The following NOS1AP variants were observed in gnomAD, a reference collection of about 807,000 sequenced individuals.
NOS1AP encodes carboxyl-terminal PDZ ligand of neuronal nitric oxide synthase protein.
In NOS1AP, 21 loss-of-function variants were observed where a neutral mutation model predicts 56.2. That is an observed-to-expected ratio of 0.37 (90% confidence interval 0.26 to 0.54). The LOEUF (loss-of-function observed/expected upper bound fraction) is 0.54. NOS1AP is among the 20% of genes least tolerant of loss of function. The pLI, the probability that NOS1AP is intolerant of heterozygous loss-of-function variation, is 0.84. For synonymous variants in NOS1AP, 270 were observed against 274.6 expected (o/e 0.98, Z 0.17); for missense variants, 522 against 657.8 (o/e 0.79, Z 2.26).
chr1:162,117,090 G>A (rs191468569), intron 1 of NOS1AP, among the ~76,000 whole-genome samples: 1 of 152,304 alleles, frequency 6.6e-6, no homozygotes, highest in Admixed American at 6.5e-5. Flanking sequence ...TAAGAATGGA[G>A]TTAAAAGTGC....
intron 4 of NOS1AP, among the ~76,000 whole-genome samples, chr1:162,323,204 G>T (rs1656475340): frequency 6.6e-6 from 1 of 152,196 alleles, no homozygotes. Flanking sequence ...AATGCCGTGG[G>T]AAGGCAGCGG....
intron 2 of NOS1AP, among the ~76,000 whole-genome samples, chr1:162,172,570 G>A (rs187772414): frequency 2.0e-5 from 3 of 152,286 alleles, no homozygotes; most frequent in East Asian, 1.9e-4. Flanking sequence ...ATCTTGATGA[G>A]GCGGGTGGTT....
chr1:162,156,097 A>G (rs1231264136), intron 2 of NOS1AP, among the ~76,000 whole-genome samples: 1 of 152,190 alleles, frequency 6.6e-6, no homozygotes, highest in Admixed American at 6.5e-5. Flanking sequence ...GCCTAATAAA[A>G]TCTTTTCATT....
At chr1:162,315,469 G>A (rs1037407258) in intron 4 of NOS1AP, among the ~76,000 whole-genome samples, 11 of 152,296 alleles carry the variant, frequency 7.2e-5, no homozygotes, top group South Asian at 2.1e-4. Flanking sequence ...GGATGGTGGC[G>A]TCACACCTCT....
At chr1:162,202,279 G>A (rs1652019832) in intron 2 of NOS1AP, among the ~76,000 whole-genome samples, 1 of 152,136 alleles carries the variant, frequency 6.6e-6, no homozygotes, top group Non-Finnish European at 1.5e-5. Flanking sequence ...GAAGAATAGA[G>A]AATAATTTTT....
intron 8 of NOS1AP, chr1:162,363,162 C>T (rs1657957747): frequency 6.6e-6 from 1 of 152,384 alleles, no homozygotes; most frequent in Non-Finnish European, 1.5e-5. Flanking sequence ...ACACCAATCA[C>T]AAGTAATAGT....
At chr1:162,227,933 A>G (rs1463280064) in intron 2 of NOS1AP, among the ~76,000 whole-genome samples, 3 of 152,224 alleles carry the variant, frequency 2.0e-5, no homozygotes, top group Non-Finnish European at 4.4e-5. Context: ...AAAAGTGTGT[A>G]TATTTAGAGT....
intron 1 of NOS1AP, among the ~76,000 whole-genome samples, chr1:162,139,832 CT>C (rs955031658): frequency 2.9e-4 from 43 of 147,674 alleles, no homozygotes; most frequent in East Asian, 1.4e-3. Context: ...TGCCGTCTTA[CT>C]TTTTTTTTTT....
At position 162,254,348 on chromosome 1, in the gene NOS1AP, G is replaced by A. The variant is rs576075453; in HGVS notation, c.178-32996G>A. Among the ~76,000 whole-genome samples, 12 of 152,288 alleles carry A rather than the reference G, an allele frequency of 7.9e-5. No homozygotes were observed. In the South Asian group the frequency reaches 2.5e-3, roughly 32 times the overall value. On this transcript the variant is annotated intron_variant, in intron 2 of 9. Coordinates refer to ENST00000361897, the MANE Select transcript of NOS1AP (RefSeq NM_014697.3). ...AGGAGCAGTTTAGGAGGATGCTGTT[G>A]GATGGGACTGACATGAACCATTGTG...
intron 2 of NOS1AP, among the ~76,000 whole-genome samples, chr1:162,190,440 A>G (rs1367353852): frequency 6.6e-6 from 1 of 152,174 alleles, no homozygotes; most frequent in Admixed American, 6.5e-5. Context: ...ATATGTATAC[A>G]TGTTCTGAAC....
chr1:162,275,828 A>G (rs1358129996), intron 2 of NOS1AP, among the ~76,000 whole-genome samples: 1 of 152,022 alleles, frequency 6.6e-6, no homozygotes, highest in African/African-American at 2.4e-5. Flanking sequence ...TCCTTCCTGC[A>G]CTCTGGATGT....
In NOS1AP at chr1:162,184,915, C is replaced by A. The variant is rs184190815; in HGVS notation, c.177+30439C>A. Among the ~76,000 whole-genome samples the A allele has an allele frequency of 3.8e-3, 576 of 152,338 alleles. 9 individuals carry two copies. Among genetic ancestry groups the A allele is most frequent in the Non-Finnish European group, 4.7e-3 (320 of 68,042 alleles). On this transcript the variant is annotated intron_variant, in intron 2 of 9. Transcript: ENST00000361897. ...ATTACCACAAACTTAGTGACTTAAA[C>A]AGCACATTTATCTTATAGTTGTGTA...
chr1:162,095,861 A>T (rs1692229531), intron 1 of NOS1AP, among the ~76,000 whole-genome samples: 2 of 152,316 alleles, frequency 1.3e-5, no homozygotes, highest in Middle Eastern at 3.4e-3. Context: ...AGATTAAATA[A>T]CGTGAATAAA....
At chr1:162,079,704 ATTATTG>A (rs1280068853) in intron 1 of NOS1AP, among the ~76,000 whole-genome samples, 2 of 152,192 alleles carry the variant, frequency 1.3e-5, no homozygotes, top group Admixed American at 1.3e-4. Context: ...TGCTGTTTTT[ATTATTG>A]TTATTAAGTC....
intron 1 of NOS1AP, among the ~76,000 whole-genome samples, chr1:162,137,228 C>G (rs996330867): frequency 6.6e-6 from 1 of 152,226 alleles, no homozygotes; most frequent in Non-Finnish European, 1.5e-5. Context: ...CATTTTCTTT[C>G]CATCTATCTC....
chr1:162,251,999 G>A (rs1459018165), intron 2 of NOS1AP, among the ~76,000 whole-genome samples: 1 of 150,426 alleles, frequency 6.6e-6, no homozygotes, highest in East Asian at 2.0e-4. Flanking sequence ...CTGGCCCAAG[G>A]CAGTATATTT....
chr1:162,314,771 C>T (rs531845325), intron 4 of NOS1AP, among the ~76,000 whole-genome samples: 38 of 152,232 alleles, frequency 2.5e-4, no homozygotes, highest in Non-Finnish European at 4.9e-4. Flanking sequence ...AATTCATGTA[C>T]CCCAGAGTCC....
chr1:162,323,191 C>A (rs1348463053), intron 4 of NOS1AP, among the ~76,000 whole-genome samples: 1 of 152,164 alleles, frequency 6.6e-6, no homozygotes, highest in African/African-American at 2.4e-5. Flanking sequence ...AGACACAGGG[C>A]AGAATGCCGT....
intron 1 of NOS1AP, among the ~76,000 whole-genome samples, chr1:162,140,270 T>C (rs1432601298): frequency 1.3e-5 from 2 of 152,220 alleles, no homozygotes; most frequent in African/African-American, 4.8e-5. Flanking sequence ...CTCCAGACAA[T>C]CATTTATTTG....
Sources: gnomAD v4.1 joint callset for allele counts (sites outside exome capture counted in the v4.1 genomes callset) on GRCh38, gnomAD v4.1.1 for gene constraint, MANE v1.5 for transcripts, NCBI Gene and HGNC (gene_info 2026-07-23, HGNC 2026-07-21) for gene names.